The following OBSL1 variants were observed in gnomAD, a reference collection of about 807,000 sequenced individuals.
OBSL1 encodes the protein obscurin like cytoskeletal adaptor 1.
A neutral mutation model predicts 172.0 loss-of-function variants in OBSL1; 160 were observed. That is an observed-to-expected ratio of 0.93 (90% CI 0.82 to 1.06). The LOEUF is 1.06. Ranked by LOEUF, OBSL1 falls within the 50% of genes least tolerant of loss-of-function variation. The pLI, the probability that OBSL1 is intolerant of heterozygous loss-of-function variation, is 0.00. For missense variants in OBSL1, 2,681 were observed against 2,715.4 expected (o/e 0.99, Z 0.28); for synonymous variants, 1,200 against 1,196.3 (o/e 1.00, Z -0.06).
At chr2:219,558,532 C>G in intron 9 of OBSL1, 73 bp from the exon 10 acceptor site, 1 of 1,455,188 alleles carries the variant, frequency 6.9e-7, no homozygotes, top group Non-Finnish European at 9.1e-7. Context: ...GCCAGATCCT[C>G]AGCCCTCCCC....
chr2:219,556,245 C>T lies in OBSL1; in HGVS notation c.4384G>A (p.Glu1462Lys). 1.3e-6 allele frequency: 2 copies of T among 1,599,944 alleles called. No homozygotes were observed. Among genetic ancestry groups the T allele is most frequent in the Non-Finnish European group, 1.7e-6 (2 of 1,169,932 alleles). Residue 1462 changes from glutamate (E) to lysine (K), a missense_variant, in exon 14 of 21, where the codon GAA becomes AAA. Around this residue, in one of 5 missense-constraint regions of OBSL1, gnomAD observed 1,765 missense variants for 1,748.3 expected, o/e 1.01. Transcript: ENST00000404537. ...ACTTCGAGACACACATCCTGGCCTT[C>T]CTCTGCCCGCACATCCTGCAACCGC... is the stretch of plus-strand genomic sequence containing the variant. ...LRRLQDVRAE[E>K]GQDVCLEVET...
At position 219,568,968 on chromosome 2, in the gene OBSL1, C is replaced by T. The variant is rs1442937065; in HGVS notation, c.1013-644G>A. ...TTTGCCATGTTGGCCAGGCTGTTCT[C>T]GAACTCCTGACCTCAAATGATCCGC... On this transcript the variant is annotated intron_variant, in intron 1 of 20. Coordinates refer to ENST00000404537, the MANE Select transcript of OBSL1 (RefSeq NM_015311.3). The surrounding 1 kb of genome is among the most constrained non-coding windows in gnomAD (Gnocchi z 4.1). Among the ~76,000 whole-genome samples, 10 of 151,534 alleles carry T rather than the reference C, an allele frequency of 6.6e-5. No homozygotes were observed. Among genetic ancestry groups the T allele is most frequent in the African/African-American group, 2.2e-4 (9 of 41,234 alleles).
At position 219,551,578 on chromosome 2, in the gene OBSL1, G is replaced by GT. The variant is rs1559130950; in HGVS notation, c.5633dup (p.Tyr1878Ter). The GT allele has an allele frequency of 2.5e-6, 4 of 1,606,852 alleles. No individual in the cohort carries two copies. The highest frequency in any genetic ancestry group is 2.2e-5 in the South Asian group (2 of 89,578). ...TGCTGTCCTGGCCGGCCTGGCAGCA[G>GT]TAAGTGCCTTGGTCCTCAGGTCGAA... ...HDVRPEDQGT[Y>*]CCQAGQDSTH... The change falls in exon 20 of 21, where the codon TAC (tyrosine) becomes TAAC (stop). Residue 1878 changes from tyrosine to a stop codon, truncating the protein, a stop_gained and frameshift_variant. Transcript: ENST00000404537. LOFTEE classifies it high-confidence loss of function.
In OBSL1 at chr2:219,552,610, A is replaced by G; in HGVS notation, c.5234T>C (p.Val1745Ala). The change falls in exon 18 of 21, where the codon GTC becomes GCC. Residue 1745 changes from valine to alanine, a missense_variant. This residue lies in a region of OBSL1 where 1,765 missense variants were observed against 1,748.3 expected (regional missense o/e 1.01). Transcript: ENST00000404537. ...GATFECTVSE[V>A]ETTGRWELGG... ...GAGCTCCCAGCGCCCCGTGGTCTCGACCTCCGACACGGTGCACTCGAACGT... is the reference window on the plus strand; with the variant it reads ...GAGCTCCCAGCGCCCCGTGGTCTCGGCCTCCGACACGGTGCACTCGAACGT... The G allele has an allele frequency of 6.3e-7, 1 of 1,574,876 alleles. No individual in the cohort carries two copies. The highest frequency in any genetic ancestry group is 1.1e-5 in the South Asian group (1 of 87,120).
Position 219,559,444 on chromosome 2 carries a change from T to A in OBSL1, c.3007A>T (p.Thr1003Ser). 4 of 1,613,360 alleles carry A rather than the reference T, an allele frequency of 2.5e-6. No homozygotes were observed. Among genetic ancestry groups the A allele is most frequent in the Non-Finnish European group, 3.4e-6 (4 of 1,179,658 alleles). The change falls in exon 9 of 21, where the codon ACC becomes TCC. Residue 1003 changes from threonine (T) to serine (S), a missense_variant. Thr to Ser is a moderately conservative substitution (Grantham distance 58, BLOSUM62 1). Around this residue, in one of 5 missense-constraint regions of OBSL1, gnomAD observed 1,765 missense variants for 1,748.3 expected, o/e 1.01. Coordinates refer to ENST00000404537, the MANE Select transcript of OBSL1 (RefSeq NM_015311.3). ...PRDEVTLIAV[T>S]LECVVLMCEL... ...CACATCAGCACCACACACTCCAAGG[T>A]CACGGCGATCAAGGTCACCTCATCG...
Position 219,565,270 on chromosome 2 carries a change from G to A in OBSL1, c.2379C>T (p.Val793=). The A allele has an allele frequency of 2.5e-6, 4 of 1,612,506 alleles. No individual in the cohort carries two copies. Among genetic ancestry groups the A allele is most frequent in the Non-Finnish European group, 3.4e-6 (4 of 1,178,738 alleles). The change falls in exon 6 of 21, where the codon GTC becomes GTT. Residue 793 remains valine, a synonymous_variant. Transcript: ENST00000404537. Reference sequence around the variant, plus strand: ...GGACAGTGACGCCGAAGAAGGCCGAGACCCCTTCTGTCCTGCACTCAAACT... The same window carrying A: ...GGACAGTGACGCCGAAGAAGGCCGAAACCCCTTCTGTCCTGCACTCAAACT... The part of the protein sequence containing the change: ...SGEFECRTEG[V]SAFFGVTVQD...
chr2:219,550,068 T>TTCACACCCCGA, downstream of OBSL1: 1 of 611,366 alleles, frequency 1.6e-6, no homozygotes, highest in Non-Finnish European at 2.8e-6. Flanking sequence ...GAACTCGGGG[T>TTCACACCCCGA]GTGAACCCCA....
In OBSL1 at chr2:219,565,468, G is replaced by A; in HGVS notation, c.2181C>T (p.Thr727=). ...ILSPQDRVSL[T]FTTSERVVLT... The stretch of plus-strand genomic sequence containing the variant: ...GCACCACCCGCTCTGAGGTTGTGAA[G>A]GTCAACGACACCCTGTCCTGGGGGC... The change falls in exon 6 of 21, where the codon ACC becomes ACT. Residue 727 remains threonine, a synonymous_variant. Coordinates refer to ENST00000404537, the MANE Select transcript of OBSL1 (RefSeq NM_015311.3). 1 of 1,612,708 alleles carries A rather than the reference G, an allele frequency of 6.2e-7. No individual in the cohort carries two copies. The highest frequency in any genetic ancestry group is 8.5e-7 in the Non-Finnish European group (1 of 1,179,866).
Position 219,553,514 on chromosome 2 carries a change from T to C in OBSL1, c.4989+60A>G, listed in dbSNP as rs997366169. On this transcript the variant is annotated intron_variant, in intron 16 of 20. Coordinates refer to ENST00000404537, the MANE Select transcript of OBSL1 (RefSeq NM_015311.3). The stretch of plus-strand genomic sequence containing the variant: ...TCAAGGAATATTAGCTGTTTCTGTC[T>C]GGGGCATTATTATCGTTGGTGTTAC... 8.4e-6 allele frequency: 10 copies of C among 1,188,400 alleles called. No homozygotes were observed. The African/African-American group carries it at 1.4e-4, about 16-fold the overall frequency. The allele number at this position is 1,188,400 out of a possible 1,614,324, so 73.6% of individuals were successfully genotyped here. A position where few individuals can be genotyped will look rare whatever the true frequency, so the allele number is the denominator to read the frequency against.
In OBSL1 at chr2:219,557,226, C is replaced by T. The variant is rs184333398; in HGVS notation, c.4066+117G>A. On this transcript the variant is annotated intron_variant, in intron 12 of 20. Transcript: ENST00000404537. Reference sequence around the variant, plus strand: ...CCCCTATCCAAGTGATGGTCATGCACGCACTGGTTGGAGCCAGAAGCAGCA... The same window carrying T: ...CCCCTATCCAAGTGATGGTCATGCATGCACTGGTTGGAGCCAGAAGCAGCA... 115 of 1,009,078 alleles carry T rather than the reference C, an allele frequency of 1.1e-4. 1 individual carries two copies. In the East Asian group the frequency reaches 2.1e-3, roughly 18 times the overall value. The allele number at this position is 1,009,078 out of a possible 1,614,324, so 62.5% of individuals were successfully genotyped here.
rs62191613 is a variant in OBSL1, at chr2:219,565,231, T to G, written c.2407+11A>C. ...TTGGCTGGAGGAGCCCAGGCTGGCA[T>G]GCTTCCTGACCTTGGACAGTGACGC... On this transcript the variant is annotated intron_variant, in intron 6 of 20. Transcript: ENST00000404537. 9 of 1,600,202 alleles carry G rather than the reference T, an allele frequency of 5.6e-6. No individual in the cohort carries two copies. The highest frequency in any genetic ancestry group is 6.0e-6 in the Non-Finnish European group (7 of 1,171,320).
At chr2:219,549,031 A>G (rs780632761), downstream of OBSL1, 1 of 1,053,806 alleles carries the variant, frequency 9.5e-7, no homozygotes, top group African/African-American at 1.6e-5. Context: ...GGGTGGGAGT[A>G]AGGGGTTATG....
At chr2:219,562,707 AG>A in intron 7 of OBSL1, 33 bp from the exon 8 acceptor site, 1 of 891,492 alleles carries the variant, frequency 1.1e-6, no homozygotes, top group East Asian at 3.5e-5. Context: ...GCCGGGCATG[AG>A]GGGTGTGCCC....
In OBSL1 at chr2:219,570,207, G is replaced by C; in HGVS notation, c.1012+14C>G. 1 of 1,524,198 alleles carries C rather than the reference G, an allele frequency of 6.6e-7. No individual in the cohort carries two copies. Among genetic ancestry groups the C allele is most frequent in the Non-Finnish European group, 8.8e-7 (1 of 1,135,698 alleles). 94.4% of individuals were successfully genotyped at this position (1,524,198 alleles called of 1,614,324 possible). ...CACTCGAGGCCCCTCCCTAGGTCCC[G>C]GGCTCCGCCGTACCTTTCACGTGCA... is the stretch of plus-strand genomic sequence containing the variant. On this transcript the variant is annotated intron_variant, in intron 1 of 20. Transcript: ENST00000404537.
chr2:219,551,790 G>C lies in OBSL1; in HGVS notation c.5422C>G (p.Leu1808Val). 2 of 1,580,674 alleles carry C rather than the reference G, an allele frequency of 1.3e-6. No individual in the cohort carries two copies. Among genetic ancestry groups the C allele is most frequent in the Non-Finnish European group, 1.7e-6 (2 of 1,161,334 alleles). The change falls in exon 20 of 21, where the codon CTC (leucine) becomes GTC (valine). Residue 1808 changes from leucine (L) to valine (V), a missense_variant. Coordinates refer to ENST00000404537, the MANE Select transcript of OBSL1 (RefSeq NM_015311.3). ...CGAGGGGGGTGGCGGCACATCTGGA[G>C]AGGCAATGCTGGGGGTAGGGGGCGG... ...LALLEVEALP[L>V]QMCRHPPREK...
intron 8 of OBSL1, among the ~76,000 whole-genome samples, chr2:219,560,556 GCC>G (rs925801279): frequency 7.0e-6 from 1 of 142,222 alleles, no homozygotes; most frequent in Non-Finnish European, 1.6e-5. Context: ...TTAGCCTCTG[GCC>G]CCCTGGTGGC....
Position 219,568,433 on chromosome 2 carries a change from C to T in OBSL1, c.1013-109G>A. The stretch of plus-strand genomic sequence containing the variant: ...ATGCTGTGTGCTCTTCATGCAGAGC[C>T]AGCGGGCACTGTGGAATCACAGAAA... On this transcript the variant is annotated intron_variant, in intron 1 of 20. Transcript: ENST00000404537. The surrounding 1 kb of genome is among the most constrained non-coding windows in gnomAD (Gnocchi z 4.1). The T allele has an allele frequency of 9.2e-7, 1 of 1,090,484 alleles. No individual in the cohort carries two copies. The highest frequency in any genetic ancestry group is 1.3e-6 in the Non-Finnish European group (1 of 782,246). The allele number at this position is 1,090,484 out of a possible 1,614,324, so 67.6% of individuals were successfully genotyped here.
downstream of OBSL1, chr2:219,547,912 C>T (rs373880790): frequency 9.4e-6 from 15 of 1,595,972 alleles, no homozygotes; most frequent in African/African-American, 6.7e-5. Context: ...CTGACTACTT[C>T]GCCGAGCTGC....
In OBSL1 at chr2:219,570,774, G is replaced by A. The variant is rs766771590; in HGVS notation, c.459C>T (p.Gly153=). ...CCCAGTACAGTGTGGGCTCGGGGAG[G>A]CCCCCCGCCCGGCACGTCAGCACCA... is the stretch of plus-strand genomic sequence containing the variant. ...AEVVLTCRAG[G]LPEPTLYWEK... Residue 153 remains glycine, a synonymous_variant, in exon 1 of 21, where the codon GGC becomes GGT. Coordinates refer to ENST00000404537, the MANE Select transcript of OBSL1 (RefSeq NM_015311.3). 3 of 1,489,572 alleles carry A rather than the reference G, an allele frequency of 2.0e-6. No homozygotes were observed. Among genetic ancestry groups the A allele is most frequent in the Admixed American group, 4.4e-5 (2 of 45,308 alleles). 92.3% of individuals were successfully genotyped at this position (1,489,572 alleles called of 1,614,324 possible). A position where few individuals can be genotyped will look rare whatever the true frequency, so the allele number is the denominator to read the frequency against.
Sources: allele counts gnomAD v4.1 joint callset (sites outside exome capture counted in the v4.1 genomes callset), GRCh38; gene constraint gnomAD v4.1.1; regional missense constraint gnomAD v4.1.1; non-coding constraint Gnocchi (gnomAD v3.1); transcripts MANE v1.5; gene names NCBI Gene and HGNC (gene_info 2026-07-23, HGNC 2026-07-21).